The following SNTG1 variants were observed in gnomAD, a reference collection of about 807,000 sequenced individuals.
SNTG1 encodes gamma-1-syntrophin.
SNTG1 carries 39 observed loss-of-function variants against 74.7 expected under a neutral mutation model. The observed-to-expected ratio is 0.52, with a 90% CI of 0.40 to 0.68. The LOEUF is 0.68. Ranked by LOEUF, SNTG1 falls within the 30% of genes least tolerant of loss-of-function variation. SNTG1 has a pLI of 0.00. For missense variants in SNTG1, 685 were observed against 609.5 expected (o/e 1.12, Z -1.30); for synonymous variants, 254 against 217.1 (o/e 1.17, Z -1.49).
chr8:50,144,768 C>T (rs1386072147), intron 1 of SNTG1, among the ~76,000 whole-genome samples: 1 of 151,992 alleles, frequency 6.6e-6, no homozygotes, highest in East Asian at 1.9e-4. Context: ...AAACGTTCTA[C>T]TCACATATAT....
intron 17 of SNTG1, among the ~76,000 whole-genome samples, chr8:50,716,540 A>G (rs546892656): frequency 1.3e-5 from 2 of 152,242 alleles, no homozygotes; most frequent in East Asian, 3.9e-4. Context: ...TTATTGCAAA[A>G]CGAACTCAGA....
chr8:49,932,472 C>T (rs1807680958), intron 1 of SNTG1, among the ~76,000 whole-genome samples: 3 of 151,490 alleles, frequency 2.0e-5, no homozygotes. Flanking sequence ...TAATATATAA[C>T]TTTCATTATT....
In SNTG1 at chr8:49,941,492, A is replaced by ATATATT. The variant is rs1291798060; in HGVS notation, c.-103+29273_-103+29278dup. Reference sequence around the variant, plus strand: ...ATATTTACATTAATTTATATACATTATATATTTATATTTATATATTATATA... The same window carrying ATATATT: ...ATATTTACATTAATTTATATACATTATATATTTATATTTATATTTATATATTATATA... On this transcript the variant is annotated intron_variant, in intron 1 of 18. Coordinates refer to ENST00000642720, the MANE Select transcript of SNTG1 (RefSeq NM_018967.5). Among the ~76,000 whole-genome samples the ATATATT allele has an allele frequency of 2.0e-5, 3 of 148,130 alleles. No individual in the cohort carries two copies. In the East Asian group the frequency reaches 5.8e-4, roughly 29 times the overall value.
intron 9 of SNTG1, among the ~76,000 whole-genome samples, chr8:50,512,476 A>G (rs200905015): frequency 1.1e-4 from 16 of 152,046 alleles, no homozygotes; most frequent in South Asian, 2.1e-4. Context: ...TTGCTAGATT[A>G]GGGAAGTTCT....
intron 1 of SNTG1, among the ~76,000 whole-genome samples, chr8:50,006,385 G>A (rs967665206): frequency 6.6e-5 from 10 of 152,150 alleles, no homozygotes; most frequent in Non-Finnish European, 1.5e-4. Context: ...ATTCTTGTCA[G>A]ATAATTGTAA....
At chr8:50,673,580 G>T (rs567349534) in intron 15 of SNTG1, among the ~76,000 whole-genome samples, 3 of 151,682 alleles carry the variant, frequency 2.0e-5, no homozygotes, top group Non-Finnish European at 4.4e-5. Context: ...TTTTTGGCTG[G>T]GATGATTGGG....
Position 50,643,382 on chromosome 8 carries a change from C to T in SNTG1, c.850-13527C>T, listed in dbSNP as rs577519105. Among the ~76,000 whole-genome samples, 4 of 152,266 alleles carry T rather than the reference C, an allele frequency of 2.6e-5. No individual in the cohort carries two copies. The South Asian group carries it at 6.2e-4, about 24-fold the overall frequency. ...TGTGGTGACAAATCAGGGTAATTGC[C>T]GTGGTCTCCCCATTTGAGGGGCTTT... On this transcript the variant is annotated intron_variant, in intron 13 of 18. Transcript: ENST00000642720.
intron 1 of SNTG1, among the ~76,000 whole-genome samples, chr8:50,085,470 G>A (rs1319688347): frequency 6.6e-6 from 1 of 152,172 alleles, no homozygotes; most frequent in Non-Finnish European, 1.5e-5. Flanking sequence ...AGCAAGTCAA[G>A]AGCTTAAGGA....
intron 8 of SNTG1, among the ~76,000 whole-genome samples, chr8:50,493,694 T>C (rs2093878576): frequency 6.6e-6 from 1 of 151,384 alleles, no homozygotes; most frequent in South Asian, 2.1e-4. Context: ...TATAAGTGTA[T>C]AATTTTTAAA....
chr8:50,040,811 T>C (rs1285785757), intron 1 of SNTG1, among the ~76,000 whole-genome samples: 1 of 152,186 alleles, frequency 6.6e-6, no homozygotes, highest in Admixed American at 6.5e-5. Context: ...AGTTATTAAT[T>C]TCATTAGGGA....
chr8:50,633,369 C>T (rs910896071), intron 13 of SNTG1, among the ~76,000 whole-genome samples: 1 of 152,146 alleles, frequency 6.6e-6, no homozygotes, highest in African/African-American at 2.4e-5. Flanking sequence ...ATTTATGTTT[C>T]TGCCCTGGGC....
At chr8:50,576,156 A>T (rs561317707) in intron 12 of SNTG1, among the ~76,000 whole-genome samples, 1 of 152,306 alleles carries the variant, frequency 6.6e-6, no homozygotes, top group African/African-American at 2.4e-5. Context: ...TTAATTTTTG[A>T]ATATAATGTA....
intron 2 of SNTG1, among the ~76,000 whole-genome samples, chr8:50,326,062 A>C (rs923316798): frequency 2.0e-5 from 3 of 152,020 alleles, no homozygotes; most frequent in African/African-American, 7.2e-5. Context: ...ACAGCTTTGG[A>C]GCCTGAAATG....
At chr8:50,397,736 A>G (rs1414447887) in intron 3 of SNTG1, among the ~76,000 whole-genome samples, 1 of 152,190 alleles carries the variant, frequency 6.6e-6, no homozygotes, top group African/African-American at 2.4e-5. Flanking sequence ...CATTGTATAC[A>G]GGACAACTGG....
chr8:50,155,998 A>G (rs1352095473), intron 1 of SNTG1, among the ~76,000 whole-genome samples: 1 of 152,066 alleles, frequency 6.6e-6, no homozygotes, highest in South Asian at 2.1e-4. Flanking sequence ...ACTATTCAGT[A>G]AAGAAAAAAA....
intron 2 of SNTG1, among the ~76,000 whole-genome samples, chr8:50,280,876 C>T (rs1182351252): frequency 1.3e-5 from 2 of 150,970 alleles, no homozygotes; most frequent in African/African-American, 4.9e-5. Flanking sequence ...ACTTAAGGCC[C>T]AGCAAGGTGG....
At chr8:50,524,709 A>G (rs556413378) in intron 9 of SNTG1, among the ~76,000 whole-genome samples, 124 of 152,230 alleles carry the variant, frequency 8.1e-4, no homozygotes, top group African/African-American at 2.9e-3. Context: ...TGTATTTGGT[A>G]TTATATGCAA....
chr8:50,237,174 C>A (rs1342290616), intron 2 of SNTG1, among the ~76,000 whole-genome samples: 1 of 151,834 alleles, frequency 6.6e-6, no homozygotes, highest in East Asian at 1.9e-4. Context: ...TTGAAAGAAC[C>A]AGAAACTTTG....
chr8:50,499,665 GT>G (rs550084560), intron 8 of SNTG1, among the ~76,000 whole-genome samples: 120 of 147,776 alleles, frequency 8.1e-4, no homozygotes, highest in East Asian at 5.3e-3. Context: ...TTACCTGTAG[GT>G]TTTTTTTTTA....
Sources: allele counts gnomAD v4.1 joint callset (sites outside exome capture counted in the v4.1 genomes callset), GRCh38; gene constraint gnomAD v4.1.1; transcripts MANE v1.5; gene names NCBI Gene and HGNC (gene_info 2026-07-23, HGNC 2026-07-21).